AGT: variants seen among roughly 807,000 people sequenced by gnomAD.
AGT encodes alpha-1 antiproteinase, antitrypsin.
Under a neutral mutation model 28.1 loss-of-function variants are expected in AGT, and 26 were observed. The observed-to-expected ratio is 0.92, with a 90% confidence interval of 0.68 to 1.28. AGT has a LOEUF of 1.28. Ranked by LOEUF, AGT falls within the 50% of genes most tolerant of loss-of-function variation. The pLI is 0.00. For synonymous variants in AGT, 259 were observed against 259.6 expected, an observed-to-expected ratio of 1.00 and a Z score of 0.02; for missense variants, 596 against 592.3, an observed-to-expected ratio of 1.01 and a Z score of -0.06.
intron 1 of AGT, among the ~76,000 whole-genome samples, chr1:230,727,966 G>C: frequency 6.6e-6 from 1 of 152,166 alleles, no homozygotes. Flanking sequence ...TTATTACTCA[G>C]ATCAGCCTCC....
At chr1:230,722,366 G>T (rs1295009078) in intron 1 of AGT, among the ~76,000 whole-genome samples, 1 of 152,254 alleles carries the variant, frequency 6.6e-6, no homozygotes, top group African/African-American at 2.4e-5. Flanking sequence ...ATGTGGAAGG[G>T]AAATGTGGGG....
chr1:230,740,198 T>C (rs1397771412), intron 1 of AGT, among the ~76,000 whole-genome samples: 1 of 152,216 alleles, frequency 6.6e-6, no homozygotes, highest in East Asian at 1.9e-4. Flanking sequence ...AGTATGCTAA[T>C]GTATTATAAT....
At chr1:230,741,481 G>T (rs906201698) in intron 1 of AGT, among the ~76,000 whole-genome samples, 1 of 152,262 alleles carries the variant, frequency 6.6e-6, no homozygotes, top group African/African-American at 2.4e-5. Context: ...GGAGATTTGG[G>T]CTGGGTGCTC....
intron 1 of AGT, among the ~76,000 whole-genome samples, chr1:230,728,554 G>A (rs1472310307): frequency 6.6e-6 from 1 of 152,160 alleles, no homozygotes; most frequent in Non-Finnish European, 1.5e-5. Flanking sequence ...TTTCGCTAAG[G>A]AGGTTTCAAT....
chr1:230,705,782 A>G, intron 3 of AGT, 151 bp downstream of exon 3: 2 of 960,368 alleles, frequency 2.1e-6, no homozygotes, highest in East Asian at 4.8e-5. Flanking sequence ...GTAGACAGAC[A>G]CACAGGCCGC....
At chr1:230,737,909 C>A (rs1432679267) in intron 1 of AGT, among the ~76,000 whole-genome samples, 1 of 151,664 alleles carries the variant, frequency 6.6e-6, no homozygotes, top group East Asian at 1.9e-4. Flanking sequence ...ATCCCCAGCC[C>A]TAAGCAACCA....
Position 230,721,576 on chromosome 1 carries a change from A to C in AGT, c.-30-10723T>G, listed in dbSNP as rs916442864. Among the ~76,000 whole-genome samples, 7 of 152,220 alleles carry C rather than the reference A, an allele frequency of 4.6e-5. 1 individual carries two copies. The South Asian group carries it at 1.4e-3, about 32-fold the overall frequency. ...TTTGGAGGGCTCAGAAGACAGGAAG[A>C]TGTGGGAAAGTTTAGAACTTCCTAG... On this transcript the variant is annotated intron_variant, in intron 1 of 4. Coordinates refer to the AGT transcript ENST00000681269.
intron 1 of AGT, among the ~76,000 whole-genome samples, chr1:230,713,553 G>C (rs1260505040): frequency 6.6e-6 from 1 of 152,206 alleles, no homozygotes. Flanking sequence ...CCTGAGACAG[G>C]GAGCCCAGGC....
At chr1:230,740,504 C>G (rs1664228689) in intron 1 of AGT, among the ~76,000 whole-genome samples, 1 of 152,160 alleles carries the variant, frequency 6.6e-6, no homozygotes, top group African/African-American at 2.4e-5. Flanking sequence ...TTTGAAGTAA[C>G]TGCTAGTTTA....
At position 230,706,106 on chromosome 1, in the gene AGT, G is replaced by T. The variant is rs771576624; in HGVS notation, c.924C>A (p.Gly308=). The change falls in exon 3 of 5, where the codon GGC becomes GGA. Residue 308 remains glycine (G), a synonymous_variant. Coordinates refer to ENST00000366667, the MANE Select transcript of AGT (RefSeq NM_001384479.1). ...GGATGTCACTCCAGTGCTGGAAGGTGCCCATGCCAGAGAGCATGGGAACAG... is the reference window on the plus strand; with the variant it reads ...GGATGTCACTCCAGTGCTGGAAGGTTCCCATGCCAGAGAGCATGGGAACAG... ...SVSVPMLSGM[G]TFQHWSDIQD... 6 of 1,613,988 alleles carry T rather than the reference G, an allele frequency of 3.7e-6. No individual in the cohort carries two copies. In the African/African-American group the frequency reaches 8.0e-5, roughly 22 times the overall value.
intron 2 of AGT, among the ~76,000 whole-genome samples, chr1:230,709,353 G>A (rs936737686): frequency 2.6e-5 from 4 of 151,858 alleles, no homozygotes; most frequent in African/African-American, 4.8e-5. Context: ...AGGATCGCTT[G>A]AGGCCAGGAG....
intron 1 of AGT, among the ~76,000 whole-genome samples, chr1:230,722,036 C>T (rs1663854598): frequency 6.6e-6 from 1 of 152,214 alleles, no homozygotes; most frequent in African/African-American, 2.4e-5. Context: ...GGCCTGGAGG[C>T]CTAACAGGGA....
At chr1:230,734,905 A>G (rs6660955) in intron 1 of AGT, among the ~76,000 whole-genome samples, 31,722 of 151,684 alleles carry the variant, frequency 0.21, 3,921 homozygotes, top group East Asian at 0.48. Flanking sequence ...TAGTAGAGAC[A>G]GGGTTTCACC....
upstream of AGT, among the ~76,000 whole-genome samples, chr1:230,718,872 C>T (rs771142891): frequency 1.6e-4 from 24 of 152,018 alleles, no homozygotes; most frequent in Non-Finnish European, 2.1e-4. Context: ...ACTACAGATG[C>T]ATGCCATGAC....
rs556545996 is a variant in AGT, at chr1:230,707,269, C to T, written c.830-1069G>A. ...CGACCTTACACTAGCACATCCCTGC[C>T]CTCGGCTGTCCTCCCACTCATCCTG... is the stretch of plus-strand genomic sequence containing the variant. On this transcript the variant is annotated intron_variant, in intron 2 of 4. Transcript: ENST00000366667. 2.6e-5 allele frequency among the ~76,000 whole-genome samples: 4 copies of T among 152,352 alleles called. No homozygotes were observed. In the South Asian group the frequency reaches 8.3e-4, roughly 32 times the overall value.
intron 2 of AGT, 62 bp from the exon 3 acceptor site, chr1:230,706,262 C>CT (rs1663385452): frequency 1.3e-6 from 2 of 1,571,834 alleles, no homozygotes; most frequent in African/African-American, 2.7e-5. Flanking sequence ...GGAATGAGGG[C>CT]TGGCAGACAC....
intron 1 of AGT, among the ~76,000 whole-genome samples, chr1:230,731,976 T>C (rs1664078330): frequency 6.6e-6 from 1 of 152,112 alleles, no homozygotes; most frequent in Non-Finnish European, 1.5e-5. Context: ...CAGCGGCTCC[T>C]CATCACTCAT....
intron 1 of AGT, among the ~76,000 whole-genome samples, chr1:230,737,559 G>C (rs1354987987): frequency 6.6e-6 from 1 of 152,054 alleles, no homozygotes; most frequent in African/African-American, 2.4e-5. Context: ...TGATCCACCT[G>C]CCTCAGCCTC....
chr1:230,719,929 AC>A (rs1403122061), intron 1 of AGT, among the ~76,000 whole-genome samples: 1 of 152,162 alleles, frequency 6.6e-6, no homozygotes, highest in Non-Finnish European at 1.5e-5. Flanking sequence ...TGGGTTTTTG[AC>A]AAAAGAAAAG....
Sources: allele counts gnomAD v4.1 joint callset (sites outside exome capture counted in the v4.1 genomes callset), GRCh38; gene constraint gnomAD v4.1.1; transcripts MANE v1.5; gene names NCBI Gene and HGNC (gene_info 2026-07-23, HGNC 2026-07-21).